NFASC: variants seen among roughly 807,000 people sequenced by gnomAD.
NFASC encodes the protein neurofascin homolog.
NFASC carries 43 observed loss-of-function variants against 147.5 expected under a neutral mutation model. That is an observed-to-expected ratio of 0.29 (90% CI 0.23 to 0.38). The LOEUF is 0.38. Ranked by LOEUF, NFASC falls within the 10% of genes least tolerant of loss-of-function variation. The pLI is 1.00. For synonymous variants in NFASC, 622 were observed against 665.5 expected (o/e 0.93, Z 1.01); for missense variants, 1,320 against 1,689.0 (o/e 0.78, Z 3.83).
chr1:205,012,207 G>A (rs1308391533), intron 28 of NFASC, among the ~76,000 whole-genome samples: 2 of 152,310 alleles, frequency 1.3e-5, no homozygotes, highest in East Asian at 1.9e-4. Flanking sequence ...GCAGAGCCTC[G>A]GCTGAATGCT....
intron 2 of NFASC, among the ~76,000 whole-genome samples, chr1:204,927,918 G>C (rs995579420): frequency 6.6e-6 from 1 of 152,228 alleles, no homozygotes; most frequent in Non-Finnish European, 1.5e-5. Flanking sequence ...AGGGAGCCAA[G>C]GCAAGTGAGA....
At chr1:204,849,289 G>T (rs557561863) in intron 1 of NFASC, among the ~76,000 whole-genome samples, 1 of 152,220 alleles carries the variant, frequency 6.6e-6, no homozygotes, top group African/African-American at 2.4e-5. Context: ...TGAGAACCTT[G>T]TGTTAGCGAA....
intron 1 of NFASC, among the ~76,000 whole-genome samples, chr1:204,917,889 A>G (rs2089631174): frequency 6.6e-6 from 1 of 152,210 alleles, no homozygotes; most frequent in African/African-American, 2.4e-5. Flanking sequence ...TCTGATTGCT[A>G]GAGGTGCTCA....
chr1:204,937,794 T>C (rs2802814), intron 2 of NFASC, among the ~76,000 whole-genome samples: 26,015 of 152,168 alleles, frequency 0.17, 3,014 homozygotes, highest in African/African-American at 0.33. Context: ...GTTGCACTTA[T>C]TGCTACTGGA....
At chr1:204,858,419 C>T (rs2076357297) in intron 1 of NFASC, among the ~76,000 whole-genome samples, 1 of 152,146 alleles carries the variant, frequency 6.6e-6, no homozygotes, top group South Asian at 2.1e-4. Context: ...CCTTGTGGTT[C>T]CTCTGGGCTC....
chr1:204,904,324 C>T, intron 1 of NFASC, among the ~76,000 whole-genome samples: 1 of 152,064 alleles, frequency 6.6e-6, no homozygotes. Context: ...TCTCGAACTC[C>T]CGGACTCAAG....
intron 17 of NFASC, among the ~76,000 whole-genome samples, chr1:204,978,426 C>T (rs1337006274): frequency 6.6e-6 from 1 of 152,204 alleles, no homozygotes; most frequent in Non-Finnish European, 1.5e-5. Flanking sequence ...GCCAAGTCTC[C>T]ATCTCCTCCC....
At chr1:204,983,684 C>T (rs191229118) in intron 21 of NFASC, among the ~76,000 whole-genome samples, 20 of 152,256 alleles carry the variant, frequency 1.3e-4, no homozygotes, top group Admixed American at 9.8e-4. Context: ...AAGGGAACCC[C>T]GCTGATAAGG....
chr1:204,874,592 C>T (rs1229185530), intron 1 of NFASC, among the ~76,000 whole-genome samples: 2 of 152,218 alleles, frequency 1.3e-5, no homozygotes, highest in Non-Finnish European at 2.9e-5. Flanking sequence ...CCTCCACCCT[C>T]GGGCCCTGGG....
At chr1:204,926,968 G>A (rs543796125) in intron 2 of NFASC, among the ~76,000 whole-genome samples, 2 of 152,120 alleles carry the variant, frequency 1.3e-5, no homozygotes, top group South Asian at 2.1e-4. Context: ...CCAGCTACTC[G>A]GGAGACTGAG....
intron 2 of NFASC, among the ~76,000 whole-genome samples, chr1:204,936,598 G>A (rs145422215): frequency 6.6e-6 from 1 of 152,322 alleles, no homozygotes; most frequent in African/African-American, 2.4e-5. Context: ...TGCACAGGGT[G>A]GGGGTCTTGT....
intron 1 of NFASC, among the ~76,000 whole-genome samples, chr1:204,846,357 C>A (rs1677035812): frequency 6.6e-6 from 1 of 152,124 alleles, no homozygotes. Context: ...TGTCCTTATA[C>A]CCTTGTTCCA....
intron 23 of NFASC, chr1:204,989,140 A>G: frequency 2.9e-6 from 1 of 345,404 alleles, no homozygotes; most frequent in South Asian, 3.0e-5. Flanking sequence ...ATGAACTCCA[A>G]AGAACAGTGA....
At chr1:204,933,040 G>A (rs936605866) in intron 2 of NFASC, among the ~76,000 whole-genome samples, 4 of 152,154 alleles carry the variant, frequency 2.6e-5, no homozygotes, top group African/African-American at 4.8e-5. Context: ...GGAGGGTAGC[G>A]GGGGCAGTTG....
At chr1:204,941,929 T>C (rs2093387301) in intron 2 of NFASC, among the ~76,000 whole-genome samples, 2 of 152,156 alleles carry the variant, frequency 1.3e-5, no homozygotes, top group Admixed American at 1.3e-4. Flanking sequence ...CTGGTGGTTT[T>C]CTGGGGAAAC....
intron 26 of NFASC, among the ~76,000 whole-genome samples, chr1:205,001,867 C>G (rs1468416055): frequency 1.3e-5 from 2 of 152,118 alleles, no homozygotes; most frequent in Non-Finnish European, 2.9e-5. Context: ...CCTACAGGGT[C>G]AAACCCACCA....
chr1:204,848,476 T>C (rs2075371372), intron 1 of NFASC, among the ~76,000 whole-genome samples: 1 of 152,198 alleles, frequency 6.6e-6, no homozygotes, highest in African/African-American at 2.4e-5. Flanking sequence ...ACCTCCTGCC[T>C]TGGCTTCCCA....
At chr1:204,840,957 G>A (rs769704701) in intron 1 of NFASC, among the ~76,000 whole-genome samples, 7 of 152,332 alleles carry the variant, frequency 4.6e-5, no homozygotes, top group South Asian at 4.1e-4. Context: ...TTAAGTAATC[G>A]TAGAGAAGTG....
chr1:204,952,613 G>A (rs2094189082), intron 5 of NFASC, among the ~76,000 whole-genome samples: 2 of 152,162 alleles, frequency 1.3e-5, no homozygotes, highest in South Asian at 4.1e-4. Flanking sequence ...TCTGGGGAAG[G>A]ACCGATGTCC....
Sources: allele counts gnomAD v4.1 joint callset (sites outside exome capture counted in the v4.1 genomes callset), GRCh38; gene constraint gnomAD v4.1.1; transcripts MANE v1.5; gene names NCBI Gene and HGNC (gene_info 2026-07-23, HGNC 2026-07-21).